Variants in ANO6 observed in about 807,000 individuals in gnomAD.
The protein encoded by ANO6 is anoctamin-6.
Under a neutral mutation model 117.5 loss-of-function variants are expected in ANO6, and 106 were observed. The observed-to-expected ratio is 0.90, with a 90% CI of 0.77 to 1.06. The LOEUF (loss-of-function observed/expected upper bound fraction) is 1.06, where lower values mean the gene tolerates loss of function less well. ANO6 is among the 50% of genes least tolerant of loss of function. The pLI is 0.00. For synonymous variants in ANO6, 367 were observed against 385.1 expected (o/e 0.95, Z 0.55); for missense variants, 955 against 1,121.1 (o/e 0.85, Z 2.12).
chr12:45,407,482 ACCCCCCCCCC>A (rs77486208), intron 15 of ANO6, among the ~76,000 whole-genome samples: 1 of 9,428 alleles, frequency 1.1e-4, no homozygotes, highest in Non-Finnish European at 2.3e-4. Context: ...TACCTGAGTC[ACCCCCCCCCC>A]CCCCCCCGGA....
At chr12:45,292,857 G>C in intron 1 of ANO6, 1 of 1,548,076 alleles carries the variant, frequency 6.5e-7, no homozygotes. Flanking sequence ...GGTAGAGGTA[G>C]GAGGGTAAGA....
At chr12:45,311,669 TAGAA>T (rs1330943957) in intron 2 of ANO6, among the ~76,000 whole-genome samples, 4 of 152,054 alleles carry the variant, frequency 2.6e-5, no homozygotes, top group Non-Finnish European at 5.9e-5. Flanking sequence ...TTCATTTCAG[TAGAA>T]AGATTTTGTC....
chr12:45,407,702 T>A (rs1316022929), intron 15 of ANO6, among the ~76,000 whole-genome samples: 1 of 152,122 alleles, frequency 6.6e-6, no homozygotes, highest in Non-Finnish European at 1.5e-5. Context: ...CAGTGCAGCC[T>A]GTATTGCTCA....
At chr12:45,242,378 G>A (rs1947758853) in intron 1 of ANO6, among the ~76,000 whole-genome samples, 1 of 152,270 alleles carries the variant, frequency 6.6e-6, no homozygotes, top group African/African-American at 2.4e-5. Flanking sequence ...GACCTGCCAA[G>A]CCAGGCATGG....
intron 3 of ANO6, among the ~76,000 whole-genome samples, chr12:45,344,009 GA>G (rs1166728661): frequency 6.6e-6 from 1 of 152,124 alleles, no homozygotes; most frequent in African/African-American, 2.4e-5. Flanking sequence ...GGGAGACCAC[GA>G]AAAGGAGTGT....
chr12:45,431,598 A>C lies in ANO6; in HGVS notation c.*2287A>C, dbSNP rs1034373674. ...AATATCTGACACTGTTAAGATGCCC[A>C]AAAGAGCAAAGTTGTAGTGGAGATG... On this transcript the variant is annotated 3_prime_UTR_variant, in exon 20 of 20. Coordinates refer to ENST00000320560, the MANE Select transcript of ANO6 (RefSeq NM_001025356.3). The C allele has an allele frequency of 1.8e-5, 18 of 985,494 alleles. No individual in the cohort carries two copies. Among genetic ancestry groups the C allele is most frequent in the Middle Eastern group, 1.0e-3 (2 of 1,914 alleles). 61.0% of individuals were successfully genotyped at this position (985,494 alleles called of 1,614,324 possible).
chr12:45,377,035 TGAA>T (rs1341644958), intron 9 of ANO6, among the ~76,000 whole-genome samples: 1 of 152,108 alleles, frequency 6.6e-6, no homozygotes, highest in African/African-American at 2.4e-5. Flanking sequence ...TTTACATAGA[TGAA>T]GGTTTATCCA....
At chr12:45,330,899 T>G (rs945883673) in intron 2 of ANO6, among the ~76,000 whole-genome samples, 11 of 152,048 alleles carry the variant, frequency 7.2e-5, no homozygotes, top group African/African-American at 2.7e-4. Flanking sequence ...GAGATTTTCA[T>G]CAACAGTGCT....
At chr12:45,422,532 ATG>A (rs1943390802) in intron 18 of ANO6, among the ~76,000 whole-genome samples, 1 of 151,896 alleles carries the variant, frequency 6.6e-6, no homozygotes, top group African/African-American at 2.4e-5. Flanking sequence ...TTAAGAGAAA[ATG>A]TATGTGATGT....
In ANO6 at chr12:45,421,238, C is replaced by A. The variant is rs1943356163; in HGVS notation, c.2385C>A (p.Asn795Lys). 1 of 1,614,044 alleles carries A rather than the reference C, an allele frequency of 6.2e-7. No individual in the cohort carries two copies. ...ACTTCAAAAACAAAAGCAAGGGAAA[C>A]CCGTACTCTGACCTGGGTAACCATA... Reference protein sequence around the residue: ...VADFKNKSKGNPYSDLGNHTT... With the variant: ...VADFKNKSKGKPYSDLGNHTT... The change falls in exon 18 of 20, where the codon AAC becomes AAA. Residue 795 changes from asparagine to lysine, a missense_variant. Transcript: ENST00000320560.
At chr12:45,432,554 A>AACTC (rs142752931), downstream of ANO6, among the ~76,000 whole-genome samples, 864 of 152,294 alleles carry the variant, frequency 5.7e-3, 42 homozygotes, top group South Asian at 0.13. Flanking sequence ...CTAGTTATTA[A>AACTC]ACTCAGCCCA....
intron 1 of ANO6, among the ~76,000 whole-genome samples, chr12:45,295,025 T>C (rs1939240669): frequency 6.6e-6 from 1 of 152,260 alleles, no homozygotes; most frequent in South Asian, 2.1e-4. Flanking sequence ...CATTATAATC[T>C]GCATTTTATT....
intron 1 of ANO6, among the ~76,000 whole-genome samples, chr12:45,262,277 A>G (rs1938063504): frequency 6.6e-6 from 1 of 152,236 alleles, no homozygotes; most frequent in African/African-American, 2.4e-5. Context: ...AACTTGCCTC[A>G]TAAGCACTCT....
At chr12:45,377,690 A>G (rs546015109) in intron 9 of ANO6, among the ~76,000 whole-genome samples, 3 of 152,228 alleles carry the variant, frequency 2.0e-5, no homozygotes, top group Non-Finnish European at 4.4e-5. Flanking sequence ...TTGTATTTGT[A>G]GATCCATACT....
rs1347994905 is a variant in ANO6, at chr12:45,263,436, T to C, written c.71-38578T>C. Among the ~76,000 whole-genome samples, 3 of 138,680 alleles carry C rather than the reference T, an allele frequency of 2.2e-5. No homozygotes were observed. The East Asian group carries it at 7.2e-4, about 33-fold the overall frequency. The allele number at this position is 138,680 out of a possible 152,430, so 91.0% of individuals were successfully genotyped here. A position where few individuals can be genotyped will look rare whatever the true frequency, so the allele number is the denominator to read the frequency against. ...TTTGTTGCCTGGGTTGGTCTTAAAC[T>C]CCTGGCCTCAAGCATTCTTCTCACC... is the stretch of plus-strand genomic sequence containing the variant. On this transcript the variant is annotated intron_variant, in intron 1 of 19. Coordinates refer to ENST00000320560, the MANE Select transcript of ANO6 (RefSeq NM_001025356.3).
chr12:45,400,758 A>G (rs1942763697), intron 12 of ANO6, among the ~76,000 whole-genome samples: 1 of 152,188 alleles, frequency 6.6e-6, no homozygotes, highest in South Asian at 2.1e-4. Flanking sequence ...TGCTCTCCAC[A>G]GGTGACAACT....
At chr12:45,306,211 C>G (rs571224125) in intron 2 of ANO6, among the ~76,000 whole-genome samples, 1 of 152,096 alleles carries the variant, frequency 6.6e-6, no homozygotes, top group Non-Finnish European at 1.5e-5. Flanking sequence ...TTCTAGAACT[C>G]GAGGTTATAT....
chr12:45,281,504 G>C (rs1047096817), intron 1 of ANO6, among the ~76,000 whole-genome samples: 1 of 152,196 alleles, frequency 6.6e-6, no homozygotes. Context: ...GCGAAGGGGA[G>C]GCAGCATGTC....
intron 1 of ANO6, among the ~76,000 whole-genome samples, chr12:45,225,017 C>G (rs925971389): frequency 1.3e-5 from 2 of 151,880 alleles, no homozygotes; most frequent in African/African-American, 4.8e-5. Context: ...ATACTAAGAC[C>G]CAATCTATAC....
Sources: allele counts gnomAD v4.1 joint callset (sites outside exome capture counted in the v4.1 genomes callset), GRCh38; gene constraint gnomAD v4.1.1; transcripts MANE v1.5; gene names NCBI Gene and HGNC (gene_info 2026-07-23, HGNC 2026-07-21).